The following ADRA1A variants were observed in gnomAD, a reference collection of about 807,000 sequenced individuals.
The protein encoded by ADRA1A is adrenoceptor alpha 1A, also known as alpha-1A adrenergic receptor.
ADRA1A carries 31 observed loss-of-function variants against 29.6 expected under a neutral mutation model. The observed-to-expected ratio is 1.05, with a 90% CI of 0.79 to 1.41. The LOEUF (loss-of-function observed/expected upper bound fraction) is 1.41, where lower values mean the gene tolerates loss of function less well. ADRA1A is among the 40% of genes most tolerant of loss of function. ADRA1A has a pLI of 0.00. For missense variants in ADRA1A, 619 were observed against 601.1 expected (o/e 1.03, Z -0.31); for synonymous variants, 311 against 254.3 (o/e 1.22, Z -2.12).
intron 2 of ADRA1A, among the ~76,000 whole-genome samples, chr8:26,862,412 T>C (rs950104158): frequency 2.6e-5 from 4 of 152,248 alleles, no homozygotes; most frequent in African/African-American, 9.6e-5. Context: ...CATGTTAATC[T>C]TGACATTTTA....
intron 2 of ADRA1A, among the ~76,000 whole-genome samples, chr8:26,855,012 G>A (rs988681043): frequency 6.6e-6 from 1 of 152,088 alleles, no homozygotes; most frequent in Admixed American, 6.6e-5. Context: ...TAAATCTGTT[G>A]GTACATTGAG....
chr8:26,767,602 G>A (rs954555761), downstream of ADRA1A, among the ~76,000 whole-genome samples: 3 of 152,184 alleles, frequency 2.0e-5, no homozygotes, highest in African/African-American at 4.8e-5. Context: ...GTTTTAATCC[G>A]TTGACTGAAA....
At chr8:26,849,373 G>A (rs1029591662) in intron 2 of ADRA1A, among the ~76,000 whole-genome samples, 1 of 152,194 alleles carries the variant, frequency 6.6e-6, no homozygotes, top group Non-Finnish European at 1.5e-5. Context: ...ACTTTCCCAG[G>A]CAAGGTCAGC....
At position 26,796,483 on chromosome 8, in the gene ADRA1A, G is replaced by T. The variant is rs899688007; in HGVS notation, c.884-25817C>A. On this transcript the variant is annotated intron_variant, in intron 2 of 2. Coordinates refer to ENST00000380573, the MANE Select transcript of ADRA1A (RefSeq NM_000680.4). The surrounding 1 kb of genome is among the most constrained non-coding windows in gnomAD (Gnocchi z 5.0). ...GAAGGACACAAAGAGGTGGGATTTT[G>T]TTCCCAGCCTCCTGGATTCATTATG... Among the ~76,000 whole-genome samples the T allele has an allele frequency of 1.3e-5, 2 of 152,096 alleles. No individual in the cohort carries two copies. The highest frequency in any genetic ancestry group is 4.8e-5 in the African/African-American group (2 of 41,424).
At chr8:26,768,292 T>G (rs1228255323), downstream of ADRA1A, among the ~76,000 whole-genome samples, 4 of 152,214 alleles carry the variant, frequency 2.6e-5, no homozygotes, top group Admixed American at 2.6e-4. Context: ...GCTTTGAATT[T>G]GTTAGAGGAA....
intron 2 of ADRA1A, among the ~76,000 whole-genome samples, chr8:26,783,528 G>T (rs1483571358): frequency 6.6e-6 from 1 of 152,216 alleles, no homozygotes. Flanking sequence ...AGAATATTCA[G>T]AATGAGTTTC....
At chr8:26,748,750 TAA>T (rs35884587) in intron 2 of ADRA1A, 20,176 of 291,412 alleles carry the variant, frequency 0.069, 8 homozygotes, top group South Asian at 0.096. Context: ...AGACTTCGTC[TAA>T]AAAAAAAAAA....
chr8:26,778,782 T>TG (rs1194346193), intron 2 of ADRA1A, among the ~76,000 whole-genome samples: 8 of 99,546 alleles, frequency 8.0e-5, no homozygotes, highest in African/African-American at 3.2e-4. Flanking sequence ...CATCACACAC[T>TG]GGGGCCTGTT....
At chr8:26,772,639 T>G (rs1806257688) in intron 2 of ADRA1A, among the ~76,000 whole-genome samples, 1 of 152,210 alleles carries the variant, frequency 6.6e-6, no homozygotes, top group Non-Finnish European at 1.5e-5. Flanking sequence ...TCTTTTCCTC[T>G]CTGCTCTGTG....
In ADRA1A at chr8:26,787,309, A is replaced by T. The variant is rs1390068186; in HGVS notation, c.884-16643T>A. Among the ~76,000 whole-genome samples the T allele has an allele frequency of 1.3e-5, 2 of 151,996 alleles. No homozygotes were observed. Among genetic ancestry groups the T allele is most frequent in the Non-Finnish European group, 2.9e-5 (2 of 68,040 alleles). On this transcript the variant is annotated intron_variant, in intron 2 of 2. Transcript: ENST00000380573. The surrounding 1 kb of genome is among the most constrained non-coding windows in gnomAD (Gnocchi z 4.2). ...TGTCCTATTTTTTCAGAAAGCAGAGACATGTGTAATTCAAATTATTAATAC... is the reference window on the plus strand; with the variant it reads ...TGTCCTATTTTTTCAGAAAGCAGAGTCATGTGTAATTCAAATTATTAATAC...
At chr8:26,795,821 G>C (rs951234058) in intron 2 of ADRA1A, among the ~76,000 whole-genome samples, 1 of 152,006 alleles carries the variant, frequency 6.6e-6, no homozygotes, top group Non-Finnish European at 1.5e-5. Flanking sequence ...CAAAATTCAG[G>C]CTACGGAAAA....
downstream of ADRA1A, among the ~76,000 whole-genome samples, chr8:26,752,355 C>T (rs1292098599): frequency 6.6e-6 from 1 of 152,214 alleles, no homozygotes; most frequent in Admixed American, 6.5e-5. Context: ...GGCCATCCCA[C>T]CCTAATCTTT....
rs1051190533 is a variant in ADRA1A, at chr8:26,841,884, T to A, written c.883+22203A>T. ...TCTCTTCACTAAAATTCTCTCTTCT[T>A]TTTGTTGCCAGGATTTTATGCTGTG... On this transcript the variant is annotated intron_variant, in intron 2 of 2. Coordinates refer to ENST00000380573, the MANE Select transcript of ADRA1A (RefSeq NM_000680.4). The surrounding 1 kb of genome is among the most constrained non-coding windows in gnomAD (Gnocchi z 4.4). Among the ~76,000 whole-genome samples, 3 of 152,182 alleles carry A rather than the reference T, an allele frequency of 2.0e-5. No individual in the cohort carries two copies. The highest frequency in any genetic ancestry group is 7.2e-5 in the African/African-American group (3 of 41,440).
At chr8:26,791,932 A>C (rs1426621067) in intron 2 of ADRA1A, among the ~76,000 whole-genome samples, 2 of 152,152 alleles carry the variant, frequency 1.3e-5, no homozygotes, top group Non-Finnish European at 2.9e-5. Context: ...CCTCCCTATC[A>C]CATCAGCCCA....
At chr8:26,766,545 G>T (rs1422034648), downstream of ADRA1A, among the ~76,000 whole-genome samples, 1 of 152,170 alleles carries the variant, frequency 6.6e-6, no homozygotes, top group Non-Finnish European at 1.5e-5. Context: ...GTTTGCCATG[G>T]TTAATTTGGA....
At chr8:26,850,045 C>CAAAACAA (rs1812508485) in intron 2 of ADRA1A, among the ~76,000 whole-genome samples, 1 of 123,388 alleles carries the variant, frequency 8.1e-6, no homozygotes, top group Non-Finnish European at 1.8e-5. Flanking sequence ...AAACAAAAAA[C>CAAAACAA]AAAAAAAAAA....
chr8:26,774,981 C>T (rs565504804), intron 2 of ADRA1A, among the ~76,000 whole-genome samples: 1 of 152,200 alleles, frequency 6.6e-6, no homozygotes, highest in Non-Finnish European at 1.5e-5. Context: ...ATGCTTGTTC[C>T]TGGCCTCCAG....
intron 2 of ADRA1A, among the ~76,000 whole-genome samples, chr8:26,843,492 A>G (rs897723611): frequency 2.2e-4 from 34 of 152,094 alleles, no homozygotes; most frequent in African/African-American, 8.0e-4. Flanking sequence ...AGAGTGTAGG[A>G]TTGTCTATTT....
intron 2 of ADRA1A, chr8:26,853,706 C>T (rs1812797330): frequency 6.6e-6 from 1 of 152,082 alleles, no homozygotes; most frequent in Non-Finnish European, 1.5e-5. Context: ...TACCAAAATA[C>T]AAACATGAAT....
Sources: allele counts gnomAD v4.1 joint callset (sites outside exome capture counted in the v4.1 genomes callset), GRCh38; gene constraint gnomAD v4.1.1; non-coding constraint Gnocchi (gnomAD v3.1); transcripts MANE v1.5; gene names NCBI Gene and HGNC (gene_info 2026-07-23, HGNC 2026-07-21).